ARHGAP18: variants seen among roughly 807,000 people sequenced by gnomAD.
The protein encoded by ARHGAP18 is rho GTPase-activating protein 18.
A neutral mutation model predicts 86.2 loss-of-function variants in ARHGAP18; 67 were observed. The ratio of observed to expected loss-of-function variants is 0.78; its 90% CI spans 0.64 to 0.95. ARHGAP18 has a LOEUF of 0.95. Among genes scored for constraint, ARHGAP18 ranks in the 40% least tolerant of loss-of-function variants. ARHGAP18 has a pLI of 0.00. For synonymous variants in ARHGAP18, 283 were observed against 280.4 expected, an observed-to-expected ratio of 1.01 and a Z score of -0.09; for missense variants, 691 against 780.4, an observed-to-expected ratio of 0.89 and a Z score of 1.37.
chr6:129,643,104 T>C (rs1007679467), intron 1 of ARHGAP18, among the ~76,000 whole-genome samples: 19 of 151,970 alleles, frequency 1.3e-4, no homozygotes, highest in Non-Finnish European at 5.9e-5. Context: ...AATAAAAACC[T>C]ATATATAATA....
At chr6:129,629,275 G>A in intron 5 of ARHGAP18, 78 bp downstream of exon 5, 1 of 1,195,230 alleles carries the variant, frequency 8.4e-7, no homozygotes, top group South Asian at 1.5e-5. Flanking sequence ...GTGTGTGCGT[G>A]TGTGTGTATG....
At chr6:129,605,072 A>T (rs1289078286) in intron 10 of ARHGAP18, among the ~76,000 whole-genome samples, 1 of 152,190 alleles carries the variant, frequency 6.6e-6, no homozygotes, top group Non-Finnish European at 1.5e-5. Context: ...GAAGCCCTTT[A>T]CCCATATAAA....
rs886422387 is a variant in ARHGAP18, at chr6:129,631,407, G to A, written c.617-1885C>T. 6.0e-5 allele frequency among the ~76,000 whole-genome samples: 9 copies of A among 150,902 alleles called. No homozygotes were observed. In the South Asian group the frequency reaches 1.3e-3, roughly 21 times the overall value. The stretch of plus-strand genomic sequence containing the variant: ...AAAAGCAATGCAAAAAAAAAATACC[G>A]CATATCAAAGTTCTAGTTAAAATAG... On this transcript the variant is annotated intron_variant, in intron 4 of 14. Coordinates refer to ENST00000368149, the MANE Select transcript of ARHGAP18 (RefSeq NM_033515.3).
intron 12 of ARHGAP18, among the ~76,000 whole-genome samples, chr6:129,594,869 C>A (rs9492348): frequency 0.062 from 9,401 of 152,154 alleles, 668 homozygotes; most frequent in African/African-American, 0.18. Context: ...TATTTTATAA[C>A]AGCAGTAATC....
At chr6:129,628,047 C>T (rs894102647) in intron 5 of ARHGAP18, among the ~76,000 whole-genome samples, 4 of 152,010 alleles carry the variant, frequency 2.6e-5, no homozygotes, top group South Asian at 2.1e-4. Flanking sequence ...GGGCTGAGTG[C>T]TAAGTATTTG....
chr6:129,687,490 C>T (rs898363632), intron 1 of ARHGAP18, among the ~76,000 whole-genome samples: 2 of 152,172 alleles, frequency 1.3e-5, no homozygotes, highest in African/African-American at 4.8e-5. Flanking sequence ...TGGGCTCAGG[C>T]TCAAACCCTA....
At chr6:129,587,024 C>T (rs2114431952) in intron 12 of ARHGAP18, among the ~76,000 whole-genome samples, 2 of 152,288 alleles carry the variant, frequency 1.3e-5, no homozygotes, top group African/African-American at 4.8e-5. Flanking sequence ...TTGTATGCCA[C>T]ATATCTGACT....
intron 1 of ARHGAP18, among the ~76,000 whole-genome samples, chr6:129,703,374 A>C (rs1774750931): frequency 6.6e-6 from 1 of 152,264 alleles, no homozygotes; most frequent in Non-Finnish European, 1.5e-5. Context: ...AAATATTAGA[A>C]AATTCATAAA....
chr6:129,671,361 A>G (rs893086940), intron 1 of ARHGAP18, among the ~76,000 whole-genome samples: 1 of 152,198 alleles, frequency 6.6e-6, no homozygotes, highest in Admixed American at 6.5e-5. Context: ...AAATACAAAA[A>G]TTAAAAGGAT....
intron 13 of ARHGAP18, among the ~76,000 whole-genome samples, chr6:129,581,685 A>G (rs1396670519): frequency 1.3e-5 from 2 of 152,208 alleles, no homozygotes; most frequent in East Asian, 3.9e-4. Flanking sequence ...GAATGAATGA[A>G]CGTGCGATTT....
intron 12 of ARHGAP18, among the ~76,000 whole-genome samples, chr6:129,588,835 C>T (rs1361041916): frequency 6.6e-6 from 1 of 152,228 alleles, no homozygotes; most frequent in Non-Finnish European, 1.5e-5. Flanking sequence ...CGGAGGTTCC[C>T]AAACCTCAAT....
intron 12 of ARHGAP18, among the ~76,000 whole-genome samples, chr6:129,597,670 C>A (rs1465058358): frequency 6.6e-6 from 1 of 151,774 alleles, no homozygotes; most frequent in Non-Finnish European, 1.5e-5. Flanking sequence ...AAAGTGGGGG[C>A]CTAGCACCAA....
intron 1 of ARHGAP18, among the ~76,000 whole-genome samples, chr6:129,696,650 A>G (rs183278056): frequency 5.1e-4 from 78 of 152,364 alleles, no homozygotes; most frequent in Admixed American, 2.1e-3. Context: ...GGGCCCCTGC[A>G]TGAGGCATTT....
In ARHGAP18 at chr6:129,600,792, T is replaced by G; in HGVS notation, c.1422A>C (p.Thr474=). ...CCATGACCATTGCTACATTCATGAC[T>G]GTCATTTTATTTTTTTCTTTATTAT... The part of the protein sequence containing the change: ...VIDNKEKNKM[T]VMNVAMVMAP... Residue 474 remains threonine, a synonymous_variant, in exon 11 of 15, where the codon ACA becomes ACC. Coordinates refer to ENST00000368149, the MANE Select transcript of ARHGAP18 (RefSeq NM_033515.3). 1 of 1,613,562 alleles carries G rather than the reference T, an allele frequency of 6.2e-7. No individual in the cohort carries two copies. The highest frequency in any genetic ancestry group is 8.5e-7 in the Non-Finnish European group (1 of 1,179,756).
At position 129,625,073 on chromosome 6, in the gene ARHGAP18, A is replaced by C. The variant is rs369566237; in HGVS notation, c.786+4280T>G. Among the ~76,000 whole-genome samples the C allele has an allele frequency of 4.9e-3, 381 of 78,316 alleles. 81 individuals carry two copies. Among genetic ancestry groups the C allele is most frequent in the Non-Finnish European group, 8.5e-3 (310 of 36,496 alleles). 51.4% of individuals were successfully genotyped at this position (78,316 alleles called of 152,430 possible). ...ATATGATTGATATATATTTATATAT[A>C]ATATATATGATATATGATATATGAT... is the stretch of plus-strand genomic sequence containing the variant. On this transcript the variant is annotated intron_variant, in intron 5 of 14. Transcript: ENST00000368149.
At position 129,600,709 on chromosome 6, in the gene ARHGAP18, A is replaced by C. The variant is rs746088884; in HGVS notation, c.1505T>G (p.Phe502Cys). Residue 502 changes from phenylalanine (F) to cysteine (C), a missense_variant, in exon 11 of 15, where the codon TTT (phenylalanine) becomes TGT (cysteine). Transcript: ENST00000368149. ...LGLKSSEQREFVMAAGTANTM... is the reference protein window; with the variant it reads ...LGLKSSEQRECVMAAGTANTM... ...ATTTGCTGTCCCAGCTGCCATTACA[A>C]ATTCTCGCTGTTCACTGGACTTCAA... The C allele has an allele frequency of 1.2e-6, 2 of 1,613,652 alleles. No individual in the cohort carries two copies. The highest frequency in any genetic ancestry group is 1.7e-6 in the Non-Finnish European group (2 of 1,179,820).
In ARHGAP18 at chr6:129,643,155, T is replaced by C. The variant is rs567061529; in HGVS notation, c.114-1137A>G. On this transcript the variant is annotated intron_variant, in intron 1 of 14. Coordinates refer to ENST00000368149, the MANE Select transcript of ARHGAP18 (RefSeq NM_033515.3). ...TTATTATTATTTATAGAGAAGACCATGCCCGATTCCTTAAAAGAAGAAATT... is the reference window on the plus strand; with the variant it reads ...TTATTATTATTTATAGAGAAGACCACGCCCGATTCCTTAAAAGAAGAAATT... Among the ~76,000 whole-genome samples the C allele has an allele frequency of 5.2e-4, 79 of 152,258 alleles. 1 individual carries two copies. The Middle Eastern group carries it at 0.01, about 20-fold the overall frequency.
At chr6:129,645,115 C>A (rs1349819072) in intron 1 of ARHGAP18, among the ~76,000 whole-genome samples, 1 of 152,054 alleles carries the variant, frequency 6.6e-6, no homozygotes, top group East Asian at 1.9e-4. Flanking sequence ...AATAGACTAC[C>A]CTCCTTGGTC....
chr6:129,579,626 T>C (rs973686119), intron 14 of ARHGAP18, among the ~76,000 whole-genome samples: 4 of 152,192 alleles, frequency 2.6e-5, no homozygotes, highest in Non-Finnish European at 5.9e-5. Context: ...TTTGAGTGTG[T>C]GTGCATGTGT....
Sources: gnomAD v4.1 joint callset for allele counts (sites outside exome capture counted in the v4.1 genomes callset) on GRCh38, gnomAD v4.1.1 for gene constraint, MANE v1.5 for transcripts, NCBI Gene and HGNC (gene_info 2026-07-23, HGNC 2026-07-21) for gene names.